The following HMGB1 variants were observed in gnomAD, a reference collection of about 807,000 sequenced individuals.
HMGB1 encodes high mobility group box 1, also known as high mobility group protein B1.
For synonymous variants in HMGB1, 81 were observed against 84.0 expected, an observed-to-expected ratio of 0.96 and a Z score of 0.19; for missense variants, 79 against 253.5, an observed-to-expected ratio of 0.31 and a Z score of 4.67.
In HMGB1 at chr13:30,457,373, C is replaced by T. The variant is rs9579576; in HGVS notation, c.*3984G>A. The T allele has an allele frequency of 0.97, 147,957 of 152,218 alleles. 72,056 individuals are homozygous for T. The highest frequency in any genetic ancestry group is 1 in the East Asian group (5,182 of 5,182). The allele number at this position is 152,218 out of a possible 1,614,324, so 9.4% of individuals were successfully genotyped here. ...ATGCTCACTTACAGGTTTAGTCATA[C>T]TATTGCAGATTTTATTCCTACTTCC... On this transcript the variant is annotated 3_prime_UTR_variant, in exon 5 of 5. Coordinates refer to ENST00000341423, the MANE Select transcript of HMGB1 (RefSeq NM_002128.7).
intron 1 of HMGB1, among the ~76,000 whole-genome samples, chr13:30,529,789 C>CA (rs139388955): frequency 0.08 from 12,135 of 152,176 alleles, 629 homozygotes; most frequent in East Asian, 0.18. Context: ...GATTTCTATG[C>CA]AAAAAAATAT....
chr13:30,572,988 G>T (rs1870497024), intron 1 of HMGB1, among the ~76,000 whole-genome samples: 1 of 152,166 alleles, frequency 6.6e-6, no homozygotes, highest in African/African-American at 2.4e-5. Context: ...TGTTTCAGTG[G>T]TGTAAGCACA....
intron 1 of HMGB1, among the ~76,000 whole-genome samples, chr13:30,611,123 ATTTTAT>A (rs371417083): frequency 6.4e-4 from 97 of 152,296 alleles, no homozygotes; most frequent in African/African-American, 2.2e-3. Flanking sequence ...GGCTGGAGTC[ATTTTAT>A]TTTTAACTAA....
intron 1 of HMGB1, among the ~76,000 whole-genome samples, chr13:30,486,906 T>C (rs569604246): frequency 6.6e-6 from 1 of 152,260 alleles, no homozygotes; most frequent in African/African-American, 2.4e-5. Flanking sequence ...AGAGGAGTGC[T>C]GCCCGAGGGA....
intron 1 of HMGB1, among the ~76,000 whole-genome samples, chr13:30,485,506 T>C (rs1416048284): frequency 6.8e-6 from 1 of 146,802 alleles, no homozygotes; most frequent in Non-Finnish European, 1.5e-5. Context: ...AAAACACCAG[T>C]GTCCTGCCTT....
At chr13:30,491,982 C>A (rs1887505268) in intron 1 of HMGB1, among the ~76,000 whole-genome samples, 1 of 151,674 alleles carries the variant, frequency 6.6e-6, no homozygotes, top group Non-Finnish European at 1.5e-5. Flanking sequence ...TCCTGGCTAA[C>A]AAGGTGAAAC....
chr13:30,486,721 A>G (rs1887372337), intron 1 of HMGB1, among the ~76,000 whole-genome samples: 1 of 152,152 alleles, frequency 6.6e-6, no homozygotes, highest in Non-Finnish European at 1.5e-5. Context: ...GAGAGACTAG[A>G]GTGAACGGGA....
At chr13:30,490,619 C>T (rs1211505201) in intron 1 of HMGB1, among the ~76,000 whole-genome samples, 1 of 54,398 alleles carries the variant, frequency 1.8e-5, no homozygotes, top group African/African-American at 5.3e-5. Flanking sequence ...ACTGTCTGAA[C>T]AGAAAAAAAA....
chr13:30,572,029 A>T (rs1870456000), intron 1 of HMGB1, among the ~76,000 whole-genome samples: 1 of 152,186 alleles, frequency 6.6e-6, no homozygotes, highest in Admixed American at 6.5e-5. Context: ...ACTTGGGAGC[A>T]AATAAAATAG....
intron 1 of HMGB1, among the ~76,000 whole-genome samples, chr13:30,535,035 T>C (rs1217954739): frequency 6.6e-6 from 1 of 152,248 alleles, no homozygotes. Flanking sequence ...CAAGAGATGC[T>C]TGAATGAGGA....
intron 1 of HMGB1, among the ~76,000 whole-genome samples, chr13:30,597,403 T>A (rs1302679794): frequency 6.6e-6 from 1 of 152,210 alleles, no homozygotes; most frequent in African/African-American, 2.4e-5. Flanking sequence ...AAACCCACCA[T>A]GTCAATACAT....
At chr13:30,591,781 A>G (rs889573636) in intron 1 of HMGB1, among the ~76,000 whole-genome samples, 3 of 152,162 alleles carry the variant, frequency 2.0e-5, no homozygotes, top group African/African-American at 7.2e-5. Flanking sequence ...TGGCCACAAC[A>G]GGGATTTTTA....
At chr13:30,534,925 C>T (rs980938070) in intron 1 of HMGB1, among the ~76,000 whole-genome samples, 1 of 152,166 alleles carries the variant, frequency 6.6e-6, no homozygotes, top group South Asian at 2.1e-4. Flanking sequence ...GTGACATTTT[C>T]CACCTTCTAG....
At chr13:30,546,761 AG>A (rs1869179038) in intron 1 of HMGB1, among the ~76,000 whole-genome samples, 1 of 152,242 alleles carries the variant, frequency 6.6e-6, no homozygotes, top group Non-Finnish European at 1.5e-5. Context: ...CTGGGATTAC[AG>A]GCATAAGCCA....
intron 1 of HMGB1, among the ~76,000 whole-genome samples, chr13:30,594,135 A>T (rs952769365): frequency 6.6e-6 from 1 of 152,254 alleles, no homozygotes; most frequent in Admixed American, 6.5e-5. Context: ...CACGTGTATT[A>T]GCGGAAGAGA....
At chr13:30,586,908 A>C (rs1051161816) in intron 1 of HMGB1, among the ~76,000 whole-genome samples, 1 of 152,088 alleles carries the variant, frequency 6.6e-6, no homozygotes, top group Non-Finnish European at 1.5e-5. Context: ...AATAACTAAT[A>C]TTATCATTCT....
intron 1 of HMGB1, among the ~76,000 whole-genome samples, chr13:30,517,882 C>G (rs999075179): frequency 6.6e-6 from 1 of 152,206 alleles, no homozygotes; most frequent in Non-Finnish European, 1.5e-5. Context: ...TTATATCTCA[C>G]CAGCAGAATT....
chr13:30,538,564 TTC>T (rs1483113927), intron 1 of HMGB1, among the ~76,000 whole-genome samples: 1 of 100,048 alleles, frequency 1.0e-5, no homozygotes, highest in Non-Finnish European at 1.9e-5. Flanking sequence ...TTTTTCTTTC[TTC>T]TTTTTCTTTC....
At chr13:30,573,871 C>T (rs764644250) in intron 1 of HMGB1, among the ~76,000 whole-genome samples, 1 of 152,132 alleles carries the variant, frequency 6.6e-6, no homozygotes, top group Non-Finnish European at 1.5e-5. Flanking sequence ...CGTGGCTGAT[C>T]TGGAACTCCT....
Sources: allele counts gnomAD v4.1 joint callset (sites outside exome capture counted in the v4.1 genomes callset), GRCh38; gene constraint gnomAD v4.1.1; transcripts MANE v1.5; gene names NCBI Gene and HGNC (gene_info 2026-07-23, HGNC 2026-07-21).